The following OR3A2 variants were observed in gnomAD, a reference collection of about 807,000 sequenced individuals.
OR3A2 encodes olfactory receptor 3A2.
For missense variants in OR3A2, 318 were observed against 392.8 expected (o/e 0.81, Z 1.61); for synonymous variants, 126 against 159.3 (o/e 0.79, Z 1.57).
chr17:3,279,020 G>C, intron 1 of OR3A2, 56 bp downstream of exon 4: 3 of 1,541,048 alleles, frequency 1.9e-6, no homozygotes, highest in Non-Finnish European at 2.6e-6. Flanking sequence ...GCCCCGTGGC[G>C]AGTCCCCAGG....
chr17:3,361,876 T>C (rs1054634468), intron 2 of OR3A2, among the ~76,000 whole-genome samples: 2 of 151,496 alleles, frequency 1.3e-5, no homozygotes, highest in African/African-American at 2.4e-5. Flanking sequence ...TCTAAAATTC[T>C]CTTTTTTTGT....
chr17:3,347,755 T>G (rs151223789), intron 2 of OR3A2, among the ~76,000 whole-genome samples: 2 of 152,240 alleles, frequency 1.3e-5, no homozygotes, highest in Non-Finnish European at 2.9e-5. Flanking sequence ...TTTGGGTATA[T>G]ACCCAGTAAT....
At chr17:3,352,679 C>T (rs1084902) in intron 2 of OR3A2, among the ~76,000 whole-genome samples, 105,126 of 151,864 alleles carry the variant, frequency 0.69, 37,945 homozygotes, top group East Asian at 1. Context: ...AGTAAGGTAA[C>T]ATAATTCTTC....
chr17:3,350,922 A>T (rs1471148650), intron 2 of OR3A2, among the ~76,000 whole-genome samples: 1 of 151,070 alleles, frequency 6.6e-6, no homozygotes, highest in Non-Finnish European at 1.5e-5. Context: ...AACAGAACCA[A>T]AGACAAAAAC....
chr17:3,311,192 G>A lies in OR3A2; in HGVS notation c.-85+24841C>T, dbSNP rs777763786. The stretch of plus-strand genomic sequence containing the variant: ...CCATGCTGAACCCACTCATCTACTG[G>A]ACATCTCTGCTGGACGTCGGGTGCA... On this transcript the variant is annotated intron_variant, in intron 3 of 4. Transcript: ENST00000573491. This position sits in a 1 kb window ranked among gnomAD's most constrained non-coding sequence, Gnocchi z 4.6. The A allele has an allele frequency of 7.4e-6, 4 of 537,218 alleles. No individual in the cohort carries two copies. The Admixed American group carries it at 7.7e-5, about 10-fold the overall frequency. The allele number at this position is 537,218 out of a possible 1,614,324, so 33.3% of individuals were successfully genotyped here.
chr17:3,326,255 G>C (rs189504027), intron 3 of OR3A2, among the ~76,000 whole-genome samples: 1 of 152,188 alleles, frequency 6.6e-6, no homozygotes, highest in East Asian at 1.9e-4. Flanking sequence ...GAACATATGT[G>C]TGCATGTATC....
At chr17:3,280,521 C>T (rs1258200467) in intron 1 of OR3A2, among the ~76,000 whole-genome samples, 1 of 152,198 alleles carries the variant, frequency 6.6e-6, no homozygotes, top group Non-Finnish European at 1.5e-5. Flanking sequence ...ATCCGCCCGC[C>T]TCGGCCTCCC....
rs144170101 is a variant in OR3A2 at position 3,335,057 on chromosome 17, G to A, written c.-85+976C>T. Among the ~76,000 whole-genome samples the A allele has an allele frequency of 2.4e-3, 359 of 151,972 alleles. 1 individual carries two copies. The highest frequency in any genetic ancestry group is 0.017 in the Middle Eastern group (5 of 294). ...AGAGGCAAAAGTATAACTTTACTTT[G>A]CCTTTTCTGCTTATGAGTGAAGCCA... On this transcript the variant is annotated intron_variant, in intron 3 of 4. Coordinates refer to the OR3A2 transcript ENST00000573491.
intron 2 of OR3A2, among the ~76,000 whole-genome samples, chr17:3,345,840 A>T (rs943524320): frequency 6.6e-6 from 1 of 152,212 alleles, no homozygotes; most frequent in African/African-American, 2.4e-5. Context: ...AAGTACCCAC[A>T]TTCAAAACAA....
chr17:3,316,195 GATATA>G (rs774096378), intron 3 of OR3A2, among the ~76,000 whole-genome samples: 1 of 152,196 alleles, frequency 6.6e-6, no homozygotes, highest in Non-Finnish European at 1.5e-5. Context: ...GATCTTTGCA[GATATA>G]AGTCCATGGA....
At chr17:3,334,561 ACT>A (rs1181737326) in intron 3 of OR3A2, among the ~76,000 whole-genome samples, 2 of 152,002 alleles carry the variant, frequency 1.3e-5, no homozygotes, top group Non-Finnish European at 2.9e-5. Flanking sequence ...TTCCGTCATT[ACT>A]CTCTTTCCTC....
At chr17:3,278,334 G>T (rs1447350982) in exon 2 of OR3A2, 2 of 1,614,120 alleles carry the variant, frequency 1.2e-6, no homozygotes, top group Admixed American at 1.7e-5. Context: ...ATTGAGTTGG[G>T]TGCTGGAGCA....
At chr17:3,286,012 C>T (rs754516559), upstream of OR3A2, among the ~76,000 whole-genome samples, 1 of 152,156 alleles carries the variant, frequency 6.6e-6, no homozygotes. Context: ...GTTTGCTGCA[C>T]CCATCAACCT....
intron 3 of OR3A2, among the ~76,000 whole-genome samples, chr17:3,293,540 T>C (rs897168679): frequency 6.6e-6 from 1 of 152,170 alleles, no homozygotes; most frequent in African/African-American, 2.4e-5. Flanking sequence ...AAAACTCATG[T>C]CATTTAAGGA....
At chr17:3,375,659 G>A (rs1028367589) in intron 2 of OR3A2, among the ~76,000 whole-genome samples, 1 of 152,106 alleles carries the variant, frequency 6.6e-6, no homozygotes, top group Non-Finnish European at 1.5e-5. Context: ...TCTTTTGGGG[G>A]TGTTATAGAA....
chr17:3,308,989 T>C (rs1161858221), intron 3 of OR3A2, among the ~76,000 whole-genome samples: 3 of 152,088 alleles, frequency 2.0e-5, no homozygotes, highest in Non-Finnish European at 2.9e-5. Context: ...CACTGCAACC[T>C]CCACCTCCCA....
At chr17:3,301,915 T>C (rs1272939384) in intron 3 of OR3A2, among the ~76,000 whole-genome samples, 1 of 151,966 alleles carries the variant, frequency 6.6e-6, no homozygotes, top group African/African-American at 2.4e-5. Flanking sequence ...AGCATTCCTA[T>C]AACAGACAAG....
chr17:3,352,258 T>C lies in OR3A2; in HGVS notation c.-178-16132A>G, dbSNP rs570717747. Among the ~76,000 whole-genome samples the C allele has an allele frequency of 2.0e-4, 29 of 146,200 alleles. 2 individuals are homozygous for C. In the South Asian group the frequency reaches 5.7e-3, roughly 29 times the overall value. On this transcript the variant is annotated intron_variant, in intron 2 of 4. Transcript: ENST00000573491. ...GCTGTGTAGAAGCTTTTTAACTTGA[T>C]GTGATCTCATTTGTCCATTTTTGCT... is the stretch of plus-strand genomic sequence containing the variant.
chr17:3,383,621 A>C (rs1396776774), intron 2 of OR3A2, among the ~76,000 whole-genome samples: 1 of 152,152 alleles, frequency 6.6e-6, no homozygotes, highest in African/African-American at 2.4e-5. Context: ...GTTGAGAAGA[A>C]TCCTACAACT....
Sources: gnomAD v4.1 joint callset for allele counts (sites outside exome capture counted in the v4.1 genomes callset) on GRCh38, gnomAD v4.1.1 for gene constraint, Gnocchi (gnomAD v3.1) non-coding constraint, MANE v1.5 for transcripts, NCBI Gene and HGNC (gene_info 2026-07-23, HGNC 2026-07-21) for gene names.